Variants in SPSB4 observed in about 807,000 individuals in gnomAD.
SPSB4 encodes the protein SPRY domain-containing SOCS box protein 4.
A neutral mutation model predicts 20.9 loss-of-function variants in SPSB4; 21 were observed. The observed-to-expected ratio is 1.01, with a 90% CI of 0.71 to 1.45. SPSB4 has a LOEUF of 1.45. Ranked by LOEUF, SPSB4 falls within the 40% of genes most tolerant of loss-of-function variation. SPSB4 has a pLI of 0.00. For synonymous variants in SPSB4, 207 were observed against 183.8 expected (o/e 1.13, Z -1.02); for missense variants, 399 against 399.2 (o/e 1.00, Z 0.00).
At position 141,099,998 on chromosome 3, in the gene SPSB4, C is replaced by T. The variant is rs1057252344; in HGVS notation, c.694+33200C>T. ...GTGATAGTGGCTGTCATCAGCCATA[C>T]AGCAGCCATGTGGCCTCTTCCTCTG... is the stretch of plus-strand genomic sequence containing the variant. On this transcript the variant is annotated intron_variant, in intron 2 of 2. Transcript: ENST00000310546. 3.3e-5 allele frequency among the ~76,000 whole-genome samples: 5 copies of T among 152,206 alleles called. No homozygotes were observed. The South Asian group carries it at 1.0e-3, about 32-fold the overall frequency.
At chr3:141,065,264 G>A (rs1222035087) in intron 1 of SPSB4, among the ~76,000 whole-genome samples, 1 of 152,132 alleles carries the variant, frequency 6.6e-6, no homozygotes, top group Admixed American at 6.5e-5. Flanking sequence ...ACCTTCCCAT[G>A]GAGCTCTCAC....
chr3:141,082,618 GCTAT>G (rs57148827), intron 2 of SPSB4, among the ~76,000 whole-genome samples: 5,234 of 146,274 alleles, frequency 0.036, 99 homozygotes, highest in African/African-American at 0.052. Flanking sequence ...CAACCCAGGT[GCTAT>G]CTATCTATCT....
chr3:141,102,026 A>C lies in SPSB4; in HGVS notation c.694+35228A>C, dbSNP rs56105010. Among the ~76,000 whole-genome samples, 588 of 152,314 alleles carry C rather than the reference A, an allele frequency of 3.9e-3. 6 individuals carry two copies. Among genetic ancestry groups the C allele is most frequent in the African/African-American group, 0.013 (561 of 41,556 alleles). ...CCAGTTGTGCAGTGGATTCTCACAT[A>C]AATCACCAAAAGTTCTAATAGTTTG... On this transcript the variant is annotated intron_variant, in intron 2 of 2. Transcript: ENST00000310546.
intron 2 of SPSB4, among the ~76,000 whole-genome samples, chr3:141,120,029 C>T (rs1938941137): frequency 1.3e-5 from 2 of 152,138 alleles, no homozygotes; most frequent in Admixed American, 1.3e-4. Context: ...TTAGGTCTTT[C>T]CTGCTTCCTC....
chr3:141,079,846 A>G (rs1938193614), intron 2 of SPSB4, among the ~76,000 whole-genome samples: 1 of 152,182 alleles, frequency 6.6e-6, no homozygotes, highest in Admixed American at 6.5e-5. Flanking sequence ...AGAGGGAGCC[A>G]TGTGAAGATC....
At chr3:141,068,691 C>A (rs1937936656) in intron 2 of SPSB4, among the ~76,000 whole-genome samples, 1 of 152,176 alleles carries the variant, frequency 6.6e-6, no homozygotes, top group South Asian at 2.1e-4. Flanking sequence ...AATATGGTAG[C>A]TGAGATTTAA....
At chr3:141,108,670 G>A (rs1471546384) in intron 2 of SPSB4, among the ~76,000 whole-genome samples, 1 of 152,236 alleles carries the variant, frequency 6.6e-6, no homozygotes, top group Admixed American at 6.5e-5. Flanking sequence ...TAACAATAGT[G>A]ATAGTTCAGT....
At chr3:141,122,922 C>T (rs962335835) in intron 2 of SPSB4, among the ~76,000 whole-genome samples, 1 of 152,336 alleles carries the variant, frequency 6.6e-6, no homozygotes, top group East Asian at 1.9e-4. Flanking sequence ...CCCCGTCCTG[C>T]TTCCGCTTGC....
chr3:141,101,988 A>C (rs891130671), intron 2 of SPSB4, among the ~76,000 whole-genome samples: 1 of 152,188 alleles, frequency 6.6e-6, no homozygotes, highest in South Asian at 2.1e-4. Flanking sequence ...CTAGCCCCAC[A>C]TTTCGTGCCT....
intron 2 of SPSB4, among the ~76,000 whole-genome samples, chr3:141,124,450 G>C (rs1051899662): frequency 6.6e-6 from 1 of 152,178 alleles, no homozygotes; most frequent in Non-Finnish European, 1.5e-5. Flanking sequence ...CCGTAATGAT[G>C]AGAACCACTC....
intron 1 of SPSB4, among the ~76,000 whole-genome samples, chr3:141,055,291 T>A (rs994007197): frequency 6.6e-6 from 1 of 151,992 alleles, no homozygotes; most frequent in Admixed American, 6.5e-5. Flanking sequence ...CAGTTCTGCT[T>A]CTGCTAGAAG....
chr3:141,125,789 T>C (rs1939041369), intron 2 of SPSB4, among the ~76,000 whole-genome samples: 1 of 152,212 alleles, frequency 6.6e-6, no homozygotes, highest in African/African-American at 2.4e-5. Context: ...TGAACTTTAA[T>C]GACACCAAAA....
chr3:141,092,471 G>A (rs1938472455), intron 2 of SPSB4, among the ~76,000 whole-genome samples: 1 of 152,208 alleles, frequency 6.6e-6, no homozygotes. Flanking sequence ...CTACACATAA[G>A]GCTTTGTTGT....
intron 2 of SPSB4, among the ~76,000 whole-genome samples, chr3:141,146,673 C>A (rs1423665958): frequency 6.6e-6 from 1 of 151,674 alleles, no homozygotes; most frequent in Non-Finnish European, 1.5e-5. Context: ...ACTAGGGAGG[C>A]TGAGGCAGGA....
At chr3:141,133,729 G>T (rs148302872) in intron 2 of SPSB4, among the ~76,000 whole-genome samples, 1,573 of 152,220 alleles carry the variant, frequency 0.01, 8 homozygotes, top group South Asian at 0.04. Flanking sequence ...GATGCCTCCA[G>T]ATTTGTTCTT....
intron 2 of SPSB4, among the ~76,000 whole-genome samples, chr3:141,092,536 T>G (rs1938473901): frequency 1.3e-5 from 2 of 152,212 alleles, no homozygotes; most frequent in Admixed American, 1.3e-4. Context: ...GCCTTGAGGC[T>G]GGGATGGAAC....
intron 1 of SPSB4, among the ~76,000 whole-genome samples, chr3:141,057,605 C>G (rs183803002): frequency 6.6e-6 from 1 of 152,120 alleles, no homozygotes; most frequent in African/African-American, 2.4e-5. Context: ...TGCCCCAGTC[C>G]GATGGGAGGG....
chr3:141,119,502 C>T (rs1576537535), intron 2 of SPSB4, among the ~76,000 whole-genome samples: 1 of 152,292 alleles, frequency 6.6e-6, no homozygotes, highest in East Asian at 1.9e-4. Flanking sequence ...TGCCTGATTG[C>T]CCTGGCCAGA....
chr3:141,057,907 G>A (rs545260204), intron 1 of SPSB4, among the ~76,000 whole-genome samples: 10 of 152,126 alleles, frequency 6.6e-5, no homozygotes, highest in Non-Finnish European at 1.2e-4. Context: ...CAGATCTCTC[G>A]TGGAGTCTGA....
Sources: allele counts gnomAD v4.1 joint callset (sites outside exome capture counted in the v4.1 genomes callset), GRCh38; gene constraint gnomAD v4.1.1; transcripts MANE v1.5; gene names NCBI Gene and HGNC (gene_info 2026-07-23, HGNC 2026-07-21).